Variants in ANKRD10 observed in about 807,000 individuals in gnomAD.
The protein encoded by ANKRD10 is ankyrin repeat domain-containing protein 10.
ANKRD10 carries 14 observed loss-of-function variants against 27.0 expected under a neutral mutation model. The ratio of observed to expected loss-of-function variants is 0.52; its 90% CI spans 0.34 to 0.81. The LOEUF is 0.81. ANKRD10 is among the 40% of genes least tolerant of loss of function. ANKRD10 has a pLI of 0.01. For missense variants in ANKRD10, 493 were observed against 544.0 expected (o/e 0.91, Z 0.93); for synonymous variants, 250 against 224.5 (o/e 1.11, Z -1.01).
intron 3 of ANKRD10, among the ~76,000 whole-genome samples, chr13:110,898,632 C>T (rs1032484734): frequency 1.3e-5 from 2 of 152,042 alleles, no homozygotes; most frequent in African/African-American, 4.8e-5. Context: ...TGCAGTGGTG[C>T]AATCACAGCT....
rs1228267197 is a variant in ANKRD10 at position 110,914,979 on chromosome 13, G to C, written c.-45C>G. The C allele has an allele frequency of 4.6e-6, 7 of 1,507,334 alleles. No individual in the cohort carries two copies. Among genetic ancestry groups the C allele is most frequent in the Non-Finnish European group, 6.2e-6 (7 of 1,132,778 alleles). The allele number at this position is 1,507,334 out of a possible 1,614,324, so 93.4% of individuals were successfully genotyped here. ...CGGGGCTCGCTGGCCTAGAGGACGC[G>C]TCGGGGAGGACTCGAGAAGCCGCCG... On this transcript the variant is annotated 5_prime_UTR_variant, in exon 1 of 6. Transcript: ENST00000267339.
rs142424368 is a variant in ANKRD10 at position 110,879,383 on chromosome 13, T to C, written c.*254A>G. 105 of 465,416 alleles carry C rather than the reference T, an allele frequency of 2.3e-4. No homozygotes were observed. Among genetic ancestry groups the C allele is most frequent in the African/African-American group, 1.5e-3 (81 of 52,362 alleles). The allele number at this position is 465,416 out of a possible 1,614,324, so 28.8% of individuals were successfully genotyped here. ...CAGTATTAAAAAGACAATGTTGAGA[T>C]TGGCATCAGAAAAACTCCAAAAGTG... is the stretch of plus-strand genomic sequence containing the variant. On this transcript the variant is annotated 3_prime_UTR_variant, in exon 6 of 6. Coordinates refer to ENST00000267339, the MANE Select transcript of ANKRD10 (RefSeq NM_017664.4).
chr13:110,893,119 A>T lies in ANKRD10; in HGVS notation c.600T>A (p.Asn200Lys). 1 of 1,614,232 alleles carries T rather than the reference A, an allele frequency of 6.2e-7. No individual in the cohort carries two copies. The highest frequency in any genetic ancestry group is 8.5e-7 in the Non-Finnish European group (1 of 1,180,034). ...NNGILNGGHQNVFPNHISVGT... is the reference protein window; with the variant it reads ...NNGILNGGHQKVFPNHISVGT... Reference sequence around the variant, plus strand: ...CCACACTAATATGATTAGGAAATACATTCTGATGACCCCCATTTAAGATGC... The same window carrying T: ...CCACACTAATATGATTAGGAAATACTTTCTGATGACCCCCATTTAAGATGC... The change falls in exon 4 of 6, where the codon AAT becomes AAA. Residue 200 changes from asparagine (N) to lysine (K), a missense_variant. Transcript: ENST00000267339.
chr13:110,903,006 T>A (rs564028447), intron 3 of ANKRD10, among the ~76,000 whole-genome samples: 4 of 152,336 alleles, frequency 2.6e-5, no homozygotes, highest in African/African-American at 9.6e-5. Flanking sequence ...AAGGTCTTCT[T>A]AATTATCAGC....
In ANKRD10 at chr13:110,903,505, A is replaced by G. The variant is rs41275138; in HGVS notation, c.455+2528T>C. On this transcript the variant is annotated intron_variant, in intron 3 of 5. Coordinates refer to ENST00000267339, the MANE Select transcript of ANKRD10 (RefSeq NM_017664.4). The stretch of plus-strand genomic sequence containing the variant: ...GGTGCTAGAAAATTTAATACGATGC[A>G]CAGCAGCTGAAATGCGTTATCTTAC... The G allele has an allele frequency of 2.0e-3, 313 of 154,920 alleles. 2 individuals carry two copies. Among genetic ancestry groups the G allele is most frequent in the Non-Finnish European group, 3.1e-3 (211 of 68,208 alleles). The allele number at this position is 154,920 out of a possible 1,614,324, so 9.6% of individuals were successfully genotyped here. A position where few individuals can be genotyped will look rare whatever the true frequency, so the allele number is the denominator to read the frequency against.
chr13:110,898,103 CAA>C (rs1257485281), intron 3 of ANKRD10, among the ~76,000 whole-genome samples: 1 of 152,094 alleles, frequency 6.6e-6, no homozygotes, highest in Non-Finnish European at 1.5e-5. Context: ...GGGTGTAAAA[CAA>C]AAGACTCTGA....
chr13:110,892,002 G>A (rs1020572460), intron 4 of ANKRD10, among the ~76,000 whole-genome samples: 11 of 149,938 alleles, frequency 7.3e-5, no homozygotes, highest in African/African-American at 2.7e-4. Flanking sequence ...TATGAGCCAT[G>A]ACAACTGGCC....
chr13:110,913,662 G>T (rs1161848518), intron 1 of ANKRD10, among the ~76,000 whole-genome samples: 1 of 152,178 alleles, frequency 6.6e-6, no homozygotes, highest in African/African-American at 2.4e-5. Flanking sequence ...AGCTGGTAAC[G>T]ACATTACCAG....
chr13:110,895,319 C>G (rs1184757950), intron 3 of ANKRD10: 1 of 152,224 alleles, frequency 6.6e-6, no homozygotes, highest in African/African-American at 2.4e-5. Context: ...CGGTGGCTCA[C>G]GCCTGTAATC....
chr13:110,897,896 T>C (rs2065272370), intron 3 of ANKRD10, among the ~76,000 whole-genome samples: 1 of 152,210 alleles, frequency 6.6e-6, no homozygotes, highest in Admixed American at 6.5e-5. Context: ...CTAACGGGGG[T>C]AAGACAATCT....
At chr13:110,893,525 A>G (rs1296138733) in intron 3 of ANKRD10, among the ~76,000 whole-genome samples, 2 of 152,258 alleles carry the variant, frequency 1.3e-5, no homozygotes. Context: ...TCTCAAAATC[A>G]TGTTTTATGT....
chr13:110,905,202 G>A (rs1594621212), intron 3 of ANKRD10: 2 of 152,264 alleles, frequency 1.3e-5, no homozygotes, highest in South Asian at 4.1e-4. Context: ...ATTTAAGGGT[G>A]AAAACCGCAT....
At chr13:110,894,245 A>G (rs754574986) in intron 3 of ANKRD10, 1 of 1,371,590 alleles carries the variant, frequency 7.3e-7, no homozygotes, top group Non-Finnish European at 1.0e-6. Flanking sequence ...GTTGATAAAC[A>G]AACGGGAGAA....
At position 110,914,908 on chromosome 13, in the gene ANKRD10, G is replaced by C; in HGVS notation, c.27C>G (p.Gly9=). The change falls in exon 1 of 6, where the codon GGC becomes GGG. Residue 9 remains glycine, a synonymous_variant. Coordinates refer to ENST00000267339, the MANE Select transcript of ANKRD10 (RefSeq NM_017664.4). MSAAGAGA[G]VEAGFSSEEL... The stretch of plus-strand genomic sequence containing the variant: ...CCTCGCTGGAGAAGCCCGCCTCTAC[G>C]CCCGCGCCCGCTCCCGCCGCCGACA... The C allele has an allele frequency of 6.5e-7, 1 of 1,536,338 alleles. No homozygotes were observed. Among genetic ancestry groups the C allele is most frequent in the Non-Finnish European group, 8.7e-7 (1 of 1,145,536 alleles).
At chr13:110,914,498 C>T (rs1334228290) in intron 1 of ANKRD10, 4 of 436,200 alleles carry the variant, frequency 9.2e-6, no homozygotes, top group Non-Finnish European at 1.4e-5. Flanking sequence ...CGGACGCAGG[C>T]GCCACCGACC....
chr13:110,901,993 T>C (rs558392661), intron 3 of ANKRD10, among the ~76,000 whole-genome samples: 14 of 140,128 alleles, frequency 1.0e-4, no homozygotes, highest in Non-Finnish European at 2.0e-4. Context: ...CAGTGAACTA[T>C]AATCATGCCA....
rs745413515 is a variant in ANKRD10, at chr13:110,914,515, C to T, written c.210+210G>A. The T allele has an allele frequency of 1.3e-3, 754 of 561,376 alleles. 3 individuals are homozygous for T. Among genetic ancestry groups the T allele is most frequent in the Non-Finnish European group, 1.8e-3 (713 of 386,662 alleles). 34.8% of individuals were successfully genotyped at this position (561,376 alleles called of 1,614,324 possible). ...GACGCAGGCGCCACCGACCTCGCTT[C>T]CGCCCCGCGCCCCCCGGCTGCCCCG... On this transcript the variant is annotated intron_variant, in intron 1 of 5. Coordinates refer to ENST00000267339, the MANE Select transcript of ANKRD10 (RefSeq NM_017664.4).
intron 2 of ANKRD10, among the ~76,000 whole-genome samples, chr13:110,909,630 C>A (rs1409418325): frequency 2.6e-5 from 4 of 152,204 alleles, no homozygotes; most frequent in African/African-American, 7.2e-5. Context: ...AGGGGACAAA[C>A]TGCCTTATAA....
rs2065847613 is a variant in ANKRD10 at position 110,914,926 on chromosome 13, C to A, written c.9G>T (p.Ala3=). MS[A]AGAGAGVEAG... ...CCTCTACGCCCGCGCCCGCTCCCGC[C>A]GCCGACATGGTCCGTCACCGGAGAG... Residue 3 remains alanine (A), a synonymous_variant, in exon 1 of 6, where the codon GCG becomes GCT. Transcript: ENST00000267339. 2.0e-6 allele frequency: 3 copies of A among 1,533,522 alleles called. No homozygotes were observed. The highest frequency in any genetic ancestry group is 2.6e-6 in the Non-Finnish European group (3 of 1,145,024). The allele number at this position is 1,533,522 out of a possible 1,614,324, so 95.0% of individuals were successfully genotyped here.
Sources: allele counts gnomAD v4.1 joint callset (sites outside exome capture counted in the v4.1 genomes callset), GRCh38; gene constraint gnomAD v4.1.1; transcripts MANE v1.5; gene names NCBI Gene and HGNC (gene_info 2026-07-23, HGNC 2026-07-21).